Variants in WDR70 observed in about 807,000 individuals in gnomAD.
The protein encoded by WDR70 is WD repeat domain 70.
In WDR70, 53 loss-of-function variants were observed where a neutral mutation model predicts 88.6. The observed-to-expected ratio is 0.60, with a 90% CI of 0.48 to 0.75. The LOEUF (loss-of-function observed/expected upper bound fraction) is 0.75. Among genes scored for constraint, WDR70 ranks in the 30% least tolerant of loss-of-function variants. The pLI, the probability that WDR70 is intolerant of heterozygous loss-of-function variation, is 0.00. For missense variants in WDR70, 610 were observed against 823.2 expected (o/e 0.74, Z 3.17); for synonymous variants, 280 against 270.0 (o/e 1.04, Z -0.36).
intron 9 of WDR70, among the ~76,000 whole-genome samples, chr5:37,555,866 A>G (rs1742281957): frequency 1.3e-5 from 2 of 152,082 alleles, no homozygotes. Flanking sequence ...CTACAGGCAT[A>G]TGCCAACACG....
At chr5:37,692,039 A>G (rs138902857) in intron 10 of WDR70, among the ~76,000 whole-genome samples, 2,104 of 152,352 alleles carry the variant, frequency 0.014, 45 homozygotes, top group African/African-American at 0.047. Flanking sequence ...CACCGATCCC[A>G]CAGAAATACA....
At chr5:37,415,428 C>T (rs1255652261) in intron 5 of WDR70, among the ~76,000 whole-genome samples, 3 of 96,626 alleles carry the variant, frequency 3.1e-5, no homozygotes, top group African/African-American at 8.5e-5. Flanking sequence ...CCCCACCTCC[C>T]TCCCGGACGG....
chr5:37,432,952 T>G (rs1396572229), intron 5 of WDR70, among the ~76,000 whole-genome samples: 1 of 152,208 alleles, frequency 6.6e-6, no homozygotes, highest in Non-Finnish European at 1.5e-5. Flanking sequence ...TTTTAATCCC[T>G]TATATATAAG....
chr5:37,662,425 T>G (rs905125735), intron 10 of WDR70, among the ~76,000 whole-genome samples: 21 of 152,222 alleles, frequency 1.4e-4, no homozygotes, highest in Non-Finnish European at 2.1e-4. Context: ...AAAACACATT[T>G]GTCTGCCCAA....
At chr5:37,483,045 T>C (rs35871208) in intron 8 of WDR70, among the ~76,000 whole-genome samples, 38,160 of 148,158 alleles carry the variant, frequency 0.26, 5,539 homozygotes, top group East Asian at 0.47. Context: ...TTGGGCAACA[T>C]TGAGACACCC....
At chr5:37,600,315 C>T (rs1488854426) in intron 9 of WDR70, among the ~76,000 whole-genome samples, 1 of 152,062 alleles carries the variant, frequency 6.6e-6, no homozygotes, top group Admixed American at 6.6e-5. Context: ...ATCATGATGT[C>T]AGGAGATCGA....
At chr5:37,480,892 T>C (rs1739643273) in intron 8 of WDR70, among the ~76,000 whole-genome samples, 1 of 152,190 alleles carries the variant, frequency 6.6e-6, no homozygotes, top group Admixed American at 6.5e-5. Context: ...CAAAAGCAAG[T>C]TAGTTACTTT....
chr5:37,608,357 T>G (rs962582757), intron 10 of WDR70, among the ~76,000 whole-genome samples: 1 of 151,916 alleles, frequency 6.6e-6, no homozygotes, highest in African/African-American at 2.4e-5. Flanking sequence ...AGCACTCTTA[T>G]AGCTATTCAT....
chr5:37,669,137 A>G (rs1273559072), intron 10 of WDR70, among the ~76,000 whole-genome samples: 1 of 152,194 alleles, frequency 6.6e-6, no homozygotes, highest in Non-Finnish European at 1.5e-5. Flanking sequence ...TTATTTCAAG[A>G]AAATTCTGTA....
intron 3 of WDR70, among the ~76,000 whole-genome samples, chr5:37,387,594 T>C (rs999482891): frequency 1.3e-5 from 2 of 152,044 alleles, no homozygotes; most frequent in African/African-American, 4.8e-5. Context: ...GAAAATACCA[T>C]TGGGATAATT....
chr5:37,662,194 A>T (rs1282223098), intron 10 of WDR70, among the ~76,000 whole-genome samples: 1 of 152,246 alleles, frequency 6.6e-6, no homozygotes, highest in Non-Finnish European at 1.5e-5. Context: ...ACTTATGAAT[A>T]GCCTTTCAGA....
intron 7 of WDR70, among the ~76,000 whole-genome samples, chr5:37,473,486 G>A (rs1238572752): frequency 6.6e-6 from 1 of 151,732 alleles, no homozygotes; most frequent in Non-Finnish European, 1.5e-5. Context: ...TGGATTACAG[G>A]TGTGTGCCAT....
At chr5:37,610,287 T>C (rs1360456881) in intron 10 of WDR70, among the ~76,000 whole-genome samples, 2 of 150,932 alleles carry the variant, frequency 1.3e-5, no homozygotes, top group Admixed American at 6.6e-5. Context: ...AAAAAAAAAT[T>C]TGTTTTTATG....
At chr5:37,485,110 A>C (rs530932885) in intron 8 of WDR70, among the ~76,000 whole-genome samples, 6 of 152,218 alleles carry the variant, frequency 3.9e-5, no homozygotes, top group African/African-American at 1.4e-4. Context: ...GATATGGTTG[A>C]TGCAGAATTT....
chr5:37,710,089 C>A (rs1424745156), intron 13 of WDR70, among the ~76,000 whole-genome samples: 1 of 151,992 alleles, frequency 6.6e-6, no homozygotes, highest in Non-Finnish European at 1.5e-5. Flanking sequence ...AAAGATACCT[C>A]AGATTTCTTG....
At chr5:37,419,846 G>A (rs1381019132) in intron 5 of WDR70, among the ~76,000 whole-genome samples, 8 of 151,594 alleles carry the variant, frequency 5.3e-5, no homozygotes, top group Admixed American at 3.3e-4. Flanking sequence ...TATATTTTTC[G>A]CTTTGTTTGT....
At chr5:37,426,443 G>A (rs939044600) in intron 5 of WDR70, among the ~76,000 whole-genome samples, 1 of 152,188 alleles carries the variant, frequency 6.6e-6, no homozygotes, top group Non-Finnish European at 1.5e-5. Context: ...AGAATAGCCA[G>A]TATAATTTTT....
chr5:37,506,868 C>G, intron 8 of WDR70: 1 of 1,201,358 alleles, frequency 8.3e-7, no homozygotes, highest in East Asian at 2.3e-5. Flanking sequence ...TTGCGCTGCC[C>G]CCGGTGGGTC....
At chr5:37,498,758 A>G (rs192012498) in intron 8 of WDR70, among the ~76,000 whole-genome samples, 1 of 152,344 alleles carries the variant, frequency 6.6e-6, no homozygotes, top group Non-Finnish European at 1.5e-5. Context: ...TACCATTGGC[A>G]AAATATGTCT....
Sources: allele counts gnomAD v4.1 joint callset (sites outside exome capture counted in the v4.1 genomes callset), GRCh38; gene constraint gnomAD v4.1.1; transcripts MANE v1.5; gene names NCBI Gene and HGNC (gene_info 2026-07-23, HGNC 2026-07-21).